SKOR2: variants seen among roughly 807,000 people sequenced by gnomAD.
The protein encoded by SKOR2 is LBX1 corepressor 1-like protein.
In SKOR2, 47 loss-of-function variants were observed where a neutral mutation model predicts 69.1. The observed-to-expected ratio is 0.68, with a 90% CI of 0.54 to 0.87. The LOEUF (loss-of-function observed/expected upper bound fraction) is 0.87. Ranked by LOEUF, SKOR2 falls within the 40% of genes least tolerant of loss-of-function variation. The pLI, the probability that SKOR2 is intolerant of heterozygous loss-of-function variation, is 0.00. For missense variants in SKOR2, 1,404 were observed against 1,472.2 expected (o/e 0.95, Z 0.76); for synonymous variants, 717 against 672.6 (o/e 1.07, Z -1.02).
intron 6 of SKOR2, among the ~76,000 whole-genome samples, chr18:47,229,486 T>G (rs749269431): frequency 6.6e-6 from 1 of 152,038 alleles, no homozygotes; most frequent in Non-Finnish European, 1.5e-5. Context: ...AAACTCTGCC[T>G]CTACTAAAAA....
Position 47,247,633 on chromosome 18 carries a change from G to A in SKOR2, c.1551C>T (p.Gly517=), listed in dbSNP as rs1446258651. 3 of 1,342,702 alleles carry A rather than the reference G, an allele frequency of 2.2e-6. No homozygotes were observed. Among genetic ancestry groups the A allele is most frequent in the Non-Finnish European group, 2.9e-6 (3 of 1,049,690 alleles). The allele number at this position is 1,342,702 out of a possible 1,614,324, so 83.2% of individuals were successfully genotyped here. The change falls in exon 2 of 9, where the codon GGC becomes GGT. Residue 517 remains glycine (G), a synonymous_variant. Coordinates refer to ENST00000425639, the MANE Select transcript of SKOR2 (RefSeq NM_001278063.4). The surrounding 1 kb of genome is among the most constrained non-coding windows in gnomAD (Gnocchi z 6.6). ...CGGCCTCGGCGCTCCCAGCAGCACC[G>A]CCTGGCTCAGCCAGGTCCAGGAAGG... ...RQAFLDLAEP[G]GAAGSAEAAP...
intron 8 of SKOR2, among the ~76,000 whole-genome samples, chr18:47,207,226 GT>G (rs1400271313): frequency 1.6e-4 from 25 of 152,242 alleles, no homozygotes; most frequent in African/African-American, 5.8e-4. Flanking sequence ...CCCAAGTTAC[GT>G]TTATTTTTCT....
chr18:47,246,818 T>C lies in SKOR2; in HGVS notation c.2366A>G (p.Gln789Arg), dbSNP rs1273532659. The C allele has an allele frequency of 4.8e-6, 7 of 1,454,562 alleles. No individual in the cohort carries two copies. The East Asian group carries it at 1.7e-4, about 35-fold the overall frequency. 90.1% of individuals were successfully genotyped at this position (1,454,562 alleles called of 1,614,324 possible). A position where few individuals can be genotyped will look rare whatever the true frequency, so the allele number is the denominator to read the frequency against. The change falls in exon 2 of 9, where the codon CAG (glutamine) becomes CGG (arginine). Residue 789 changes from glutamine to arginine, a missense_variant. Gln to Arg is a conservative substitution (Grantham distance 43). This residue lies in a region of SKOR2 where 1,266 missense variants were observed against 1,309.9 expected (regional missense o/e 0.97). Coordinates refer to ENST00000425639, the MANE Select transcript of SKOR2 (RefSeq NM_001278063.4). ...DPLVGGGRFLQGRGPSEKGSS... is the reference protein window; with the variant it reads ...DPLVGGGRFLRGRGPSEKGSS... ...CCCCTTCTCCGACGGCCCTCGGCCC[T>C]GGAGGAACCGGCCGCCCCCGACTAA...
chr18:47,229,995 C>G lies in SKOR2; in HGVS notation c.2917+464G>C, dbSNP rs73954295. Among the ~76,000 whole-genome samples, 314 of 152,082 alleles carry G rather than the reference C, an allele frequency of 2.1e-3. 1 individual carries two copies. Among genetic ancestry groups the G allele is most frequent in the African/African-American group, 7.2e-3 (299 of 41,496 alleles). ...AATAAAATAGATTGTGTATACTGAG[C>G]CTTTAAAGTTTAGATTTTCATATTT... is the stretch of plus-strand genomic sequence containing the variant. On this transcript the variant is annotated intron_variant, in intron 6 of 8. Coordinates refer to ENST00000425639, the MANE Select transcript of SKOR2 (RefSeq NM_001278063.4).
intron 6 of SKOR2, among the ~76,000 whole-genome samples, chr18:47,225,923 TGATACACA>T (rs1409269770): frequency 6.6e-6 from 1 of 152,160 alleles, no homozygotes; most frequent in Non-Finnish European, 1.5e-5. Context: ...AGATATACCA[TGATACACA>T]GTGCAAATCG....
At position 47,248,057 on chromosome 18, in the gene SKOR2, C is replaced by A. The variant is rs2064290090; in HGVS notation, c.1127G>T (p.Gly376Val). ...AGAGAGAGAK[G>V]PRSYPVIPVP... ...CGGGATGACTGGGTAGCTGCGCGGG[C>A]CTTTGGCCCCTGCCCCGGCACCCGC... Residue 376 changes from glycine to valine, a missense_variant, in exon 2 of 9, where the codon GGC (glycine) becomes GTC (valine). This residue lies in a region of SKOR2 where 1,266 missense variants were observed against 1,309.9 expected (regional missense o/e 0.97). Transcript: ENST00000425639. The surrounding 1 kb of genome is among the most constrained non-coding windows in gnomAD (Gnocchi z 6.4). The A allele has an allele frequency of 7.0e-7, 1 of 1,427,692 alleles. No individual in the cohort carries two copies. The highest frequency in any genetic ancestry group is 1.5e-5 in the African/African-American group (1 of 67,476). The allele number at this position is 1,427,692 out of a possible 1,614,324, so 88.4% of individuals were successfully genotyped here. A position where few individuals can be genotyped will look rare whatever the true frequency, so the allele number is the denominator to read the frequency against.
rs1341602903 is a variant in SKOR2, at chr18:47,248,081, GC to G, written c.1102del (p.Ala368ArgfsTer128). The G allele has an allele frequency of 5.8e-6, 8 of 1,375,988 alleles. No individual in the cohort carries two copies. In the South Asian group the frequency reaches 6.7e-5, roughly 11 times the overall value. The allele number at this position is 1,375,988 out of a possible 1,614,324, so 85.2% of individuals were successfully genotyped here. ...GCCTTTGGCCCCTGCCCCGGCACCC[GC>G]CCCCGCGCCCGCGCCCACGCCCACG... ...AGVGVGAGAG[A>X]GAGAGAKGPR... is the part of the protein sequence containing the mutation. On this transcript the variant is annotated frameshift_variant, in exon 2 of 9. Transcript: ENST00000425639. LOFTEE classifies it high-confidence loss of function. This position sits in a 1 kb window ranked among gnomAD's most constrained non-coding sequence, Gnocchi z 6.4.
Position 47,248,886 on chromosome 18 carries a change from C to G in SKOR2, c.298G>C (p.Glu100Gln). 1.9e-6 allele frequency: 3 copies of G among 1,567,738 alleles called. No homozygotes were observed. The highest frequency in any genetic ancestry group is 2.6e-6 in the Non-Finnish European group (3 of 1,164,184). ...TCVQCTPVQL[E>Q]ILRRAGAMPI... is the part of the protein sequence containing the mutation. ...ATGGCCCCGGCACGCCGCAGGATCT[C>G]CAGTTGCACCGGCGTGCACTGCACA... Residue 100 changes from glutamate to glutamine, a missense_variant, in exon 2 of 9, where the codon GAG (glutamate) becomes CAG (glutamine). Physicochemically the swap from Glu to Gln is conservative, Grantham distance 29. This residue lies in a region of SKOR2 where 34 missense variants were observed against 66.6 expected (regional missense o/e 0.51). Transcript: ENST00000425639. The surrounding 1 kb of genome is among the most constrained non-coding windows in gnomAD (Gnocchi z 6.4).
intron 7 of SKOR2, among the ~76,000 whole-genome samples, chr18:47,214,383 T>C (rs2064137367): frequency 6.6e-6 from 1 of 152,148 alleles, no homozygotes; most frequent in African/African-American, 2.4e-5. Context: ...AGGGTCCAGA[T>C]TGGAATTTAA....
At chr18:47,229,408 C>T (rs1269709184) in intron 6 of SKOR2, among the ~76,000 whole-genome samples, 1 of 152,128 alleles carries the variant, frequency 6.6e-6, no homozygotes, top group African/African-American at 2.4e-5. Flanking sequence ...AATCCCAGCA[C>T]TTTGGGAGGC....
intron 7 of SKOR2, among the ~76,000 whole-genome samples, chr18:47,215,832 T>A (rs2064142232): frequency 6.6e-6 from 1 of 152,184 alleles, no homozygotes; most frequent in South Asian, 2.1e-4. Flanking sequence ...TAGCCATTTA[T>A]CATGTGCTCT....
Position 47,247,531 on chromosome 18 carries a change from G to C in SKOR2, c.1653C>G (p.Ala551=), listed in dbSNP as rs1401147592. 1.8e-5 allele frequency: 22 copies of C among 1,215,544 alleles called. No individual in the cohort carries two copies. The highest frequency in any genetic ancestry group is 3.2e-4 in the Middle Eastern group (1 of 3,112). 75.3% of individuals were successfully genotyped at this position (1,215,544 alleles called of 1,614,324 possible). Residue 551 remains alanine, a synonymous_variant, in exon 2 of 9, where the codon GCC becomes GCG. Coordinates refer to ENST00000425639, the MANE Select transcript of SKOR2 (RefSeq NM_001278063.4). The surrounding 1 kb of genome is among the most constrained non-coding windows in gnomAD (Gnocchi z 6.6). ...ACTCGAAGAGCGCGTCGCGAGAGCC[G>C]GCGCCCCCGGCAGGAGGAGGTGGGC... The part of the protein sequence containing the change: ...GSGPPPPAGG[A]GSRDALFESP...
At chr18:47,224,042 G>T (rs1416341024) in intron 6 of SKOR2, among the ~76,000 whole-genome samples, 1 of 151,670 alleles carries the variant, frequency 6.6e-6, no homozygotes, top group Non-Finnish European at 1.5e-5. Flanking sequence ...AGTAGCTGGG[G>T]TTACAGGCAT....
chr18:47,248,746 G>C lies in SKOR2; in HGVS notation c.438C>G (p.Asp146Glu), dbSNP rs542738210. 1.9e-6 allele frequency: 3 copies of C among 1,552,050 alleles called. No homozygotes were observed. The highest frequency in any genetic ancestry group is 2.6e-6 in the Non-Finnish European group (3 of 1,155,306). ...PPKLPDNFAFDVSHECAWGCR... is the reference protein window; with the variant it reads ...PPKLPDNFAFEVSHECAWGCR... ...AGCCCCAGGCGCACTCGTGTGACAC[G>C]TCGAAGGCGAAATTGTCTGGCAGCT... Residue 146 changes from aspartate to glutamate, a missense_variant, in exon 2 of 9, where the codon GAC (aspartate) becomes GAG (glutamate). Around this residue, in one of 3 missense-constraint regions of SKOR2, gnomAD observed 1,266 missense variants for 1,309.9 expected, o/e 0.97. Coordinates refer to ENST00000425639, the MANE Select transcript of SKOR2 (RefSeq NM_001278063.4). The surrounding 1 kb of genome is among the most constrained non-coding windows in gnomAD (Gnocchi z 6.4).
At chr18:47,230,806 A>G (rs2064194788) in intron 5 of SKOR2, 129 bp downstream of exon 5, 3 of 863,858 alleles carry the variant, frequency 3.5e-6, no homozygotes, top group East Asian at 2.7e-5. Flanking sequence ...TATCCACCCA[A>G]TGGTCCATAT....
At chr18:47,223,988 C>T (rs1241220634) in intron 6 of SKOR2, among the ~76,000 whole-genome samples, 4 of 151,852 alleles carry the variant, frequency 2.6e-5, no homozygotes, top group Non-Finnish European at 5.9e-5. Context: ...TTGCTACAAC[C>T]TCTGCCTCCT....
chr18:47,213,712 T>G (rs1001476108), intron 7 of SKOR2, among the ~76,000 whole-genome samples: 1 of 152,114 alleles, frequency 6.6e-6, no homozygotes, highest in African/African-American at 2.4e-5. Context: ...ATCACTGAAA[T>G]TAATGATTCA....
intron 4 of SKOR2, among the ~76,000 whole-genome samples, chr18:47,239,063 G>A (rs1808540399): frequency 2.0e-5 from 3 of 152,068 alleles, no homozygotes; most frequent in Admixed American, 2.0e-4. Flanking sequence ...CTCTGTCTCT[G>A]ATACTCTTAG....
At chr18:47,217,369 C>T (rs2064147250) in intron 7 of SKOR2, among the ~76,000 whole-genome samples, 1 of 152,292 alleles carries the variant, frequency 6.6e-6, no homozygotes, top group Admixed American at 6.5e-5. Context: ...GGAACTGACA[C>T]TTAATGAACT....
Sources: allele counts gnomAD v4.1 joint callset (sites outside exome capture counted in the v4.1 genomes callset), GRCh38; gene constraint gnomAD v4.1.1; regional missense constraint gnomAD v4.1.1; non-coding constraint Gnocchi (gnomAD v3.1); transcripts MANE v1.5; gene names NCBI Gene and HGNC (gene_info 2026-07-23, HGNC 2026-07-21).